The following STEEP1 variants were observed in gnomAD, a reference collection of about 807,000 sequenced individuals.
STEEP1 encodes the protein STING ER exit protein.
Under a neutral mutation model 19.2 loss-of-function variants are expected in STEEP1, and 3 were observed. That is an observed-to-expected ratio of 0.16 (90% CI 0.07 to 0.40). STEEP1 has a LOEUF of 0.40. STEEP1 is among the 10% of genes least tolerant of loss of function. STEEP1 has a pLI of 0.99. For synonymous variants in STEEP1, 46 were observed against 63.7 expected (o/e 0.72, Z 1.32); for missense variants, 54 against 177.1 (o/e 0.30, Z 3.94).
intron 2 of STEEP1, 131 bp from the exon 3 acceptor site, chrX:119,545,635 G>A (rs1180132145): frequency 2.3e-5 from 10 of 431,502 alleles, no homozygotes; most frequent in South Asian, 1.9e-4. Flanking sequence ...GGTGGCTCAC[G>A]CCTGTAATCC....
intron 2 of STEEP1, among the ~76,000 whole-genome samples, chrX:119,552,594 GCCTCCCAAACCCTGT>G (rs199853716): frequency 0.044 from 4,914 of 111,684 alleles, 95 homozygotes; most frequent in South Asian, 0.088. Flanking sequence ...CCATCCAGAA[GCCTCCCAAACCCTGT>G]CCTCCTGGGT....
At chrX:119,545,750 G>A (rs145117112) in intron 2 of STEEP1, among the ~76,000 whole-genome samples, 86 of 110,644 alleles carry the variant, frequency 7.8e-4, no homozygotes, top group African/African-American at 2.5e-3. Flanking sequence ...AAAATTAGCC[G>A]GGCGCAGTGG....
intron 1 of STEEP1, among the ~76,000 whole-genome samples, chrX:119,563,878 GTAC>G (rs1030123005): frequency 7.1e-5 from 8 of 112,057 alleles, no homozygotes; most frequent in African/African-American, 2.6e-4. Flanking sequence ...ATGAATAGTT[GTAC>G]TACTGACTGC....
chrX:119,553,110 C>G (rs917139309), intron 2 of STEEP1, among the ~76,000 whole-genome samples: 1 of 103,649 alleles, frequency 9.6e-6, no homozygotes, highest in African/African-American at 3.5e-5. Context: ...ACGGAGATCG[C>G]GCCGTTGCAC....
intron 1 of STEEP1, 82 bp downstream of exon 1, chrX:119,565,150 A>G: frequency 8.9e-7 from 1 of 1,126,190 alleles, no homozygotes; most frequent in Non-Finnish European, 1.2e-6. Flanking sequence ...AGTGGCTCCC[A>G]GATCACAGCC....
At chrX:119,564,225 G>C (rs1472247892) in intron 1 of STEEP1, among the ~76,000 whole-genome samples, 12 of 111,714 alleles carry the variant, frequency 1.1e-4, no homozygotes, top group Non-Finnish European at 2.3e-4. Flanking sequence ...GGCTGGGCGC[G>C]GTGGCTCACG....
chrX:119,539,921 T>C (rs1177639382), intron 6 of STEEP1, 132 bp from the exon 7 acceptor site: 10 of 448,462 alleles, frequency 2.2e-5, no homozygotes, highest in South Asian at 4.1e-5. Context: ...TCCCAAATCA[T>C]TATATACCTC....
intron 2 of STEEP1, among the ~76,000 whole-genome samples, chrX:119,548,609 T>C (rs1354459237): frequency 1.8e-5 from 2 of 109,731 alleles, no homozygotes; most frequent in Non-Finnish European, 3.8e-5. Flanking sequence ...CCTTATATAC[T>C]GCTAGTGAAA....
rs779958571 is a variant in STEEP1, at chrX:119,547,071, A to G, written c.243-1567T>C. On this transcript the variant is annotated intron_variant, in intron 2 of 6. Transcript: ENST00000644802. ...CTTCTGTTCATCCTAGAGATAGCTGATGCATATATAAGCAAAGAACTCTGA... is the reference window on the plus strand; with the variant it reads ...CTTCTGTTCATCCTAGAGATAGCTGGTGCATATATAAGCAAAGAACTCTGA... Among the ~76,000 whole-genome samples, 3 of 112,363 alleles carry G rather than the reference A, an allele frequency of 2.7e-5. No individual in the cohort carries two copies. In the South Asian group the frequency reaches 1.1e-3, roughly 41 times the overall value.
At chrX:119,539,866 C>A in intron 6 of STEEP1, 77 bp from the exon 7 acceptor site, 1 of 747,990 alleles carries the variant, frequency 1.3e-6, no homozygotes, top group Non-Finnish European at 2.0e-6. Context: ...CCAACCCAAA[C>A]ACTCTCCCTT....
Position 119,541,319 on chromosome X carries a change from G to A in STEEP1, c.606+9C>T. 1 of 1,104,353 alleles carries A rather than the reference G, an allele frequency of 9.1e-7. No homozygotes were observed. The highest frequency in any genetic ancestry group is 3.0e-5 in the East Asian group (1 of 33,309). The allele number at this position is 1,104,353 out of a possible 1,213,427, so 91.0% of individuals were successfully genotyped here. A position where few individuals can be genotyped will look rare whatever the true frequency, so the allele number is the denominator to read the frequency against. ...GGGCCCCAGCACCTTGCTACCCCTT[G>A]CTACTCACCAGCTCTTGCAGTCGCC... On this transcript the variant is annotated intron_variant, in intron 6 of 6. Coordinates refer to ENST00000644802, the MANE Select transcript of STEEP1 (RefSeq NM_022101.4).
intron 2 of STEEP1, among the ~76,000 whole-genome samples, chrX:119,557,621 G>A (rs2053290998): frequency 9.0e-6 from 1 of 111,710 alleles, no homozygotes; most frequent in Non-Finnish European, 1.9e-5. Flanking sequence ...GGAGGAGGAT[G>A]GGCCCTTAAT....
At position 119,538,597 on chromosome X, in the gene STEEP1, C is replaced by T. The variant is rs1383561407; in HGVS notation, c.*1130G>A. On this transcript the variant is annotated 3_prime_UTR_variant, in exon 7 of 7. Coordinates refer to ENST00000644802, the MANE Select transcript of STEEP1 (RefSeq NM_022101.4). ...TACAGGGGTATGCCGCCACACCTGG[C>T]TAATTTCTTTTGTATTTTAGTAGAG... The T allele has an allele frequency of 2.7e-5, 3 of 109,768 alleles. No homozygotes were observed. Among genetic ancestry groups the T allele is most frequent in the African/African-American group, 1.0e-4 (3 of 30,142 alleles). 9.0% of individuals were successfully genotyped at this position (109,768 alleles called of 1,213,427 possible). A position where few individuals can be genotyped will look rare whatever the true frequency, so the allele number is the denominator to read the frequency against.
At chrX:119,546,503 G>A (rs1418380220) in intron 2 of STEEP1, among the ~76,000 whole-genome samples, 1 of 109,859 alleles carries the variant, frequency 9.1e-6, no homozygotes, top group Non-Finnish European at 1.9e-5. Context: ...ACTCTGTGAG[G>A]TATGTCATAT....
intron 2 of STEEP1, among the ~76,000 whole-genome samples, chrX:119,553,953 G>C (rs1405897579): frequency 8.9e-6 from 1 of 112,075 alleles, no homozygotes; most frequent in Non-Finnish European, 1.9e-5. Context: ...AAATAAGGCA[G>C]GGTTCCTGCT....
At chrX:119,544,804 G>C (rs1217859804) in intron 3 of STEEP1, among the ~76,000 whole-genome samples, 2 of 110,900 alleles carry the variant, frequency 1.8e-5, no homozygotes, top group African/African-American at 6.6e-5. Context: ...AGCCAGGCAT[G>C]GTGGCAGGTG....
chrX:119,557,169 A>G (rs553456311), intron 2 of STEEP1, among the ~76,000 whole-genome samples: 5 of 105,364 alleles, frequency 4.7e-5, no homozygotes, highest in South Asian at 8.6e-4. Flanking sequence ...AAAAAAAAAA[A>G]AAAAGAAAAG....
At chrX:119,552,892 G>A (rs900645089) in intron 2 of STEEP1, among the ~76,000 whole-genome samples, 8 of 111,631 alleles carry the variant, frequency 7.2e-5, no homozygotes, top group South Asian at 3.7e-4. Flanking sequence ...GCTGGGTGTG[G>A]TGGCTCACAC....
chrX:119,564,495 G>GA (rs2053343769), intron 1 of STEEP1, among the ~76,000 whole-genome samples: 1 of 77,257 alleles, frequency 1.3e-5, no homozygotes, highest in African/African-American at 5.7e-5. Context: ...GACTCCATCT[G>GA]AAAAAAAAGG....
Sources: gnomAD v4.1 joint callset for allele counts (sites outside exome capture counted in the v4.1 genomes callset) on GRCh38, gnomAD v4.1.1 for gene constraint, MANE v1.5 for transcripts, NCBI Gene and HGNC (gene_info 2026-07-23, HGNC 2026-07-21) for gene names.